DAB1: variants seen among roughly 807,000 people sequenced by gnomAD.
DAB1 encodes DAB adaptor protein 1.
DAB1 carries 15 observed loss-of-function variants against 64.6 expected under a neutral mutation model. The ratio of observed to expected loss-of-function variants is 0.23; its 90% CI spans 0.16 to 0.36. DAB1 has a LOEUF of 0.36. Among genes scored for constraint, DAB1 ranks in the 10% least tolerant of loss-of-function variants. DAB1 has a pLI of 1.00. For synonymous variants in DAB1, 235 were observed against 251.9 expected, an observed-to-expected ratio of 0.93 and a Z score of 0.64; for missense variants, 596 against 706.7, an observed-to-expected ratio of 0.84 and a Z score of 1.78.
At chr1:58,051,083 T>C (rs1266868538) in intron 5 of DAB1, among the ~76,000 whole-genome samples, 1 of 152,160 alleles carries the variant, frequency 6.6e-6, no homozygotes, top group Non-Finnish European at 1.5e-5. Context: ...AGTTCTAGGG[T>C]ACATGTGCAC....
chr1:57,396,075 G>C (rs1176592114), intron 1 of DAB1, among the ~76,000 whole-genome samples: 2 of 152,204 alleles, frequency 1.3e-5, no homozygotes, highest in Non-Finnish European at 2.9e-5. Flanking sequence ...CTATAAGGTG[G>C]GATAGAGAAA....
intron 6 of DAB1, among the ~76,000 whole-genome samples, chr1:57,726,296 G>A (rs1305099175): frequency 2.6e-5 from 4 of 152,220 alleles, no homozygotes; most frequent in Non-Finnish European, 1.5e-5. Flanking sequence ...TCTAAGAGTG[G>A]AAGGGAGATT....
intron 6 of DAB1, among the ~76,000 whole-genome samples, chr1:57,719,211 C>A (rs1034681009): frequency 3.9e-5 from 6 of 152,172 alleles, no homozygotes; most frequent in African/African-American, 1.2e-4. Flanking sequence ...ACATTGTTGG[C>A]TGATGAAATG....
At chr1:57,591,845 C>A (rs576470953) in intron 7 of DAB1, among the ~76,000 whole-genome samples, 4 of 152,282 alleles carry the variant, frequency 2.6e-5, no homozygotes, top group African/African-American at 9.6e-5. Context: ...TAGAGCAAAA[C>A]CTCCAATGAG....
chr1:57,167,383 TA>T (rs758140279), intron 2 of DAB1, among the ~76,000 whole-genome samples: 9 of 152,168 alleles, frequency 5.9e-5, no homozygotes, highest in Middle Eastern at 3.2e-3. Context: ...CCCTCCTTCT[TA>T]GAAGAGTCAC....
chr1:58,190,535 C>CT (rs1290924989), intron 4 of DAB1, among the ~76,000 whole-genome samples: 1 of 152,118 alleles, frequency 6.6e-6, no homozygotes, highest in Non-Finnish European at 1.5e-5. Context: ...CTGAATTCTT[C>CT]TTTTTTTAAA....
intron 5 of DAB1, among the ~76,000 whole-genome samples, chr1:58,000,980 G>A (rs778782529): frequency 3.3e-5 from 5 of 151,360 alleles, no homozygotes; most frequent in Admixed American, 6.6e-5. Context: ...ATCTTCCCTT[G>A]TTCTCCCTAC....
At chr1:57,504,917 C>T (rs1644327543) in intron 7 of DAB1, among the ~76,000 whole-genome samples, 1 of 152,150 alleles carries the variant, frequency 6.6e-6, no homozygotes, top group Non-Finnish European at 1.5e-5. Flanking sequence ...AGCAGAACTC[C>T]TTTAAATTGT....
At chr1:57,916,011 C>T (rs982692754) in intron 5 of DAB1, among the ~76,000 whole-genome samples, 1 of 152,198 alleles carries the variant, frequency 6.6e-6, no homozygotes, top group African/African-American at 2.4e-5. Flanking sequence ...CTGCTTCCAG[C>T]CTGCTGCCAG....
At chr1:57,799,278 T>C (rs1044528234) in intron 6 of DAB1, among the ~76,000 whole-genome samples, 1 of 152,198 alleles carries the variant, frequency 6.6e-6, no homozygotes, top group African/African-American at 2.4e-5. Context: ...CAGCTGTGAA[T>C]GGGCTCCTTT....
intron 7 of DAB1, among the ~76,000 whole-genome samples, chr1:57,450,065 T>C (rs2101151803): frequency 6.6e-6 from 1 of 152,354 alleles, no homozygotes; most frequent in Non-Finnish European, 1.5e-5. Context: ...TAGAAGCTTT[T>C]AGAAAACATC....
intron 4 of DAB1, among the ~76,000 whole-genome samples, chr1:58,289,573 A>G (rs140936122): frequency 5.9e-5 from 9 of 152,348 alleles, no homozygotes; most frequent in African/African-American, 1.9e-4. Flanking sequence ...CCACTGAACT[A>G]TAAAAATGGA....
chr1:57,353,319 A>G (rs1678760032), intron 1 of DAB1, among the ~76,000 whole-genome samples: 1 of 151,876 alleles, frequency 6.6e-6, no homozygotes, highest in Admixed American at 6.6e-5. Flanking sequence ...CGGTTGAGAT[A>G]CTCTCTCTGT....
chr1:58,452,455 T>G (rs1261112770), intron 3 of DAB1, among the ~76,000 whole-genome samples: 3 of 151,828 alleles, frequency 2.0e-5, no homozygotes, highest in Admixed American at 6.6e-5. Flanking sequence ...ACTGGAACTT[T>G]CATTCACTGC....
chr1:57,310,256 G>A (rs1001090667), intron 1 of DAB1, among the ~76,000 whole-genome samples: 2 of 152,184 alleles, frequency 1.3e-5, no homozygotes, highest in African/African-American at 4.8e-5. Flanking sequence ...GCCATACGGA[G>A]ATGACATTGG....
intron 8 of DAB1, among the ~76,000 whole-genome samples, chr1:57,065,419 G>A (rs538521129): frequency 6.6e-6 from 1 of 152,312 alleles, no homozygotes; most frequent in East Asian, 1.9e-4. Flanking sequence ...AGATGGAAAA[G>A]TAATCAGACT....
At chr1:57,327,189 C>T (rs1469015868) in intron 1 of DAB1, among the ~76,000 whole-genome samples, 1 of 152,078 alleles carries the variant, frequency 6.6e-6, no homozygotes, top group African/African-American at 2.4e-5. Context: ...GATCCTCTTA[C>T]CTCAGCCTTC....
intron 3 of DAB1, among the ~76,000 whole-genome samples, chr1:58,357,879 C>T (rs989141057): frequency 1.3e-5 from 2 of 152,158 alleles, no homozygotes; most frequent in Admixed American, 6.5e-5. Flanking sequence ...TCCCTCAATT[C>T]TTTCCATCCT....
At chr1:57,424,874 G>A (rs562885846), upstream of DAB1, among the ~76,000 whole-genome samples, 2 of 152,140 alleles carry the variant, frequency 1.3e-5, no homozygotes, top group Non-Finnish European at 2.9e-5. Flanking sequence ...GTTAACTCCG[G>A]CTTACTCCCC....
Sources: gnomAD v4.1 joint callset for allele counts (sites outside exome capture counted in the v4.1 genomes callset) on GRCh38, gnomAD v4.1.1 for gene constraint, MANE v1.5 for transcripts, NCBI Gene and HGNC (gene_info 2026-07-23, HGNC 2026-07-21) for gene names.